ALK: variants seen among roughly 807,000 people sequenced by gnomAD.
The protein encoded by ALK is ALK receptor tyrosine kinase, also known as ALK tyrosine kinase receptor.
In ALK, 74 loss-of-function variants were observed where a neutral mutation model predicts 163.1. That is an observed-to-expected ratio of 0.45 (90% confidence interval 0.38 to 0.55). The LOEUF is 0.55. Among genes scored for constraint, ALK ranks in the 20% least tolerant of loss-of-function variants. The pLI, the probability that ALK is intolerant of heterozygous loss-of-function variation, is 0.00. For missense variants in ALK, 2,063 were observed against 2,105.3 expected, an observed-to-expected ratio of 0.98 and a Z score of 0.39; for synonymous variants, 960 against 843.2, an observed-to-expected ratio of 1.14 and a Z score of -2.40.
intron 9 of ALK, among the ~76,000 whole-genome samples, chr2:29,290,876 C>T (rs1017378272): frequency 3.3e-5 from 5 of 152,020 alleles, no homozygotes; most frequent in African/African-American, 9.7e-5. Context: ...GGGGAGACTC[C>T]AGCTGTGAGC....
intron 1 of ALK, among the ~76,000 whole-genome samples, chr2:29,826,122 C>G (rs1157863325): frequency 1.3e-5 from 2 of 152,100 alleles, no homozygotes; most frequent in African/African-American, 2.4e-5. Flanking sequence ...CCCCTCCCCA[C>G]CCCCTAGCAT....
chr2:29,517,994 A>C (rs1331978434), intron 4 of ALK, among the ~76,000 whole-genome samples: 1 of 152,172 alleles, frequency 6.6e-6, no homozygotes, highest in Non-Finnish European at 1.5e-5. Context: ...CTGAGCTCTT[A>C]GAAGTTCTCA....
chr2:29,628,373 A>G (rs1275935575), intron 3 of ALK, among the ~76,000 whole-genome samples: 1 of 152,204 alleles, frequency 6.6e-6, no homozygotes, highest in Non-Finnish European at 1.5e-5. Flanking sequence ...AACACGCTAT[A>G]TAGCTAATTT....
At chr2:29,683,888 G>T (rs1678155981) in intron 3 of ALK, among the ~76,000 whole-genome samples, 1 of 152,138 alleles carries the variant, frequency 6.6e-6, no homozygotes, top group African/African-American at 2.4e-5. Context: ...TTACAGAATG[G>T]TCTCTTGTGC....
chr2:29,285,877 A>G (rs1665842994), intron 9 of ALK, among the ~76,000 whole-genome samples: 2 of 152,036 alleles, frequency 1.3e-5, no homozygotes, highest in South Asian at 2.1e-4. Context: ...GTGGCTGTTT[A>G]TTACCTGTAT....
chr2:29,604,689 T>A (rs1675491139), intron 3 of ALK, among the ~76,000 whole-genome samples: 1 of 152,174 alleles, frequency 6.6e-6, no homozygotes, highest in South Asian at 2.1e-4. Context: ...TGGTTTCCAT[T>A]CCATTATAAA....
intron 26 of ALK, among the ~76,000 whole-genome samples, chr2:29,204,021 A>G (rs1669252410): frequency 6.6e-6 from 1 of 151,804 alleles, no homozygotes; most frequent in Non-Finnish European, 1.5e-5. Flanking sequence ...ATCTCTTTTT[A>G]GGTTTATTTT....
At chr2:29,373,994 G>A (rs1244785789) in intron 5 of ALK, among the ~76,000 whole-genome samples, 2 of 152,204 alleles carry the variant, frequency 1.3e-5, no homozygotes, top group East Asian at 1.9e-4. Context: ...AGCAAGTCTG[G>A]GCTGTCAGAA....
intron 1 of ALK, among the ~76,000 whole-genome samples, chr2:29,730,004 A>G (rs1390209499): frequency 6.6e-6 from 1 of 152,182 alleles, no homozygotes; most frequent in African/African-American, 2.4e-5. Flanking sequence ...CTCTGCACCC[A>G]TGAGATTTGT....
At chr2:29,465,677 G>A (rs1453219385) in intron 4 of ALK, among the ~76,000 whole-genome samples, 1 of 151,580 alleles carries the variant, frequency 6.6e-6, no homozygotes, top group African/African-American at 2.4e-5. Context: ...CTGGGCAACA[G>A]AACAAGGCTT....
At chr2:29,558,785 C>CTA (rs1673933685) in intron 3 of ALK, among the ~76,000 whole-genome samples, 1 of 152,172 alleles carries the variant, frequency 6.6e-6, no homozygotes, top group Admixed American at 6.5e-5. Flanking sequence ...AAGGCATGAA[C>CTA]TACCATTTGT....
At chr2:29,252,870 G>C (rs1204620095) in intron 11 of ALK, among the ~76,000 whole-genome samples, 18 of 151,520 alleles carry the variant, frequency 1.2e-4, no homozygotes, top group Admixed American at 1.1e-3. Flanking sequence ...CTCTTGCTCA[G>C]GCTGAGGGTA....
At chr2:29,693,530 T>C (rs1306705273) in intron 3 of ALK, among the ~76,000 whole-genome samples, 1 of 152,064 alleles carries the variant, frequency 6.6e-6, no homozygotes, top group East Asian at 1.9e-4. Flanking sequence ...AAAACAGTTA[T>C]AAAAACAAAA....
Position 29,251,171 on chromosome 2 carries a change from T to C in ALK, c.2138A>G (p.Glu713Gly), listed in dbSNP as rs753570956. ...TTTCAGGGGGCCCTCGCTCCCCACC[T>C]CCACGCTCAGGTTGGAGTTCTGGTA... ...NAYQNSNLSVEVGSEGPLKGI... is the reference protein window; with the variant it reads ...NAYQNSNLSVGVGSEGPLKGI... The change falls in exon 12 of 29, where the codon GAG becomes GGG. Residue 713 changes from glutamate to glycine, a missense_variant. Around this residue, in one of 5 missense-constraint regions of ALK, gnomAD observed 987 missense variants for 939.5 expected, o/e 1.05. Coordinates refer to ENST00000389048, the MANE Select transcript of ALK (RefSeq NM_004304.5). 1 of 1,614,082 alleles carries C rather than the reference T, an allele frequency of 6.2e-7. No individual in the cohort carries two copies. The highest frequency in any genetic ancestry group is 2.2e-5 in the East Asian group (1 of 44,868).
chr2:29,647,428 C>T (rs1033604240), intron 3 of ALK, among the ~76,000 whole-genome samples: 1 of 152,098 alleles, frequency 6.6e-6, no homozygotes, highest in Non-Finnish European at 1.5e-5. Flanking sequence ...GTTGACTTCC[C>T]CATTCTTAGT....
chr2:29,463,362 T>C, intron 4 of ALK, among the ~76,000 whole-genome samples: 1 of 152,200 alleles, frequency 6.6e-6, no homozygotes, highest in East Asian at 1.9e-4. Context: ...TATGGTATGT[T>C]TCATACTGAA....
At chr2:29,392,104 G>C (rs1343539021) in intron 4 of ALK, among the ~76,000 whole-genome samples, 1 of 152,232 alleles carries the variant, frequency 6.6e-6, no homozygotes, top group Non-Finnish European at 1.5e-5. Flanking sequence ...TGAAATAAGA[G>C]ATTGACTGTG....
intron 9 of ALK, among the ~76,000 whole-genome samples, chr2:29,289,502 C>T (rs1339958992): frequency 6.6e-6 from 1 of 152,208 alleles, no homozygotes; most frequent in African/African-American, 2.4e-5. Context: ...ATGTCCCCAG[C>T]CCCTGTAGCT....
chr2:29,915,338 A>G (rs1310038265), intron 1 of ALK, among the ~76,000 whole-genome samples: 1 of 151,972 alleles, frequency 6.6e-6, no homozygotes, highest in African/African-American at 2.4e-5. Context: ...GGTTCAAGCA[A>G]CTCTCCTGAG....
Sources: gnomAD v4.1 joint callset for allele counts (sites outside exome capture counted in the v4.1 genomes callset) on GRCh38, gnomAD v4.1.1 for gene constraint, gnomAD v4.1.1 regional missense constraint, MANE v1.5 for transcripts, NCBI Gene and HGNC (gene_info 2026-07-23, HGNC 2026-07-21) for gene names.